The following SRGAP2 variants were observed in gnomAD, a reference collection of about 807,000 sequenced individuals.
SRGAP2 encodes the protein SLIT-ROBO Rho GTPase activating protein 2.
SRGAP2 carries 15 observed loss-of-function variants against 57.2 expected under a neutral mutation model. That is an observed-to-expected ratio of 0.26 (90% CI 0.18 to 0.40). The LOEUF (loss-of-function observed/expected upper bound fraction) is 0.40. Among genes scored for constraint, SRGAP2 ranks in the 10% least tolerant of loss-of-function variants. SRGAP2 has a pLI of 1.00. For missense variants in SRGAP2, 520 were observed against 669.6 expected (o/e 0.78, Z 2.47); for synonymous variants, 249 against 248.0 (o/e 1.00, Z -0.04).
chr1:206,307,968 T>C (rs1571811535), intron 3 of SRGAP2, among the ~76,000 whole-genome samples: 1 of 151,308 alleles, frequency 6.6e-6, no homozygotes, highest in Admixed American at 6.6e-5. Context: ...GCAGGGGAGG[T>C]GCCGAGAGCA....
chr1:206,277,209 C>G (rs1232114519), intron 2 of SRGAP2, among the ~76,000 whole-genome samples: 38 of 140,304 alleles, frequency 2.7e-4, no homozygotes, highest in Non-Finnish European at 9.3e-5. Context: ...AATAGTCACA[C>G]CCAAAATTTT....
In SRGAP2 at chr1:206,454,773, T is replaced by C. The variant is rs1553377725; in HGVS notation, c.2361-105T>C. On this transcript the variant is annotated intron_variant, in intron 20 of 22. Transcript: ENST00000573034. This position sits in a 1 kb window ranked among gnomAD's most constrained non-coding sequence, Gnocchi z 4.3. ...AGGTGTCGCTGCTGCCTCAGAGCTG[T>C]GTGGGGTCGCGTGTATGTCGGGGGG... is the stretch of plus-strand genomic sequence containing the variant. 1.6e-6 allele frequency: 1 copy of C among 631,456 alleles called. No homozygotes were observed. The highest frequency in any genetic ancestry group is 1.8e-5 in the African/African-American group (1 of 54,892). 39.1% of individuals were successfully genotyped at this position (631,456 alleles called of 1,614,324 possible). A position where few individuals can be genotyped will look rare whatever the true frequency, so the allele number is the denominator to read the frequency against.
At chr1:206,247,521 G>A (rs534683292) in intron 2 of SRGAP2, among the ~76,000 whole-genome samples, 57 of 152,258 alleles carry the variant, frequency 3.7e-4, no homozygotes, top group Admixed American at 5.2e-4. Flanking sequence ...ACTAAAGACA[G>A]TGTCCTCTGT....
At chr1:206,307,597 C>T (rs1367761410) in intron 3 of SRGAP2, among the ~76,000 whole-genome samples, 49 of 152,326 alleles carry the variant, frequency 3.2e-4, no homozygotes, top group African/African-American at 1.1e-3. Context: ...AGCCCTGCCC[C>T]GCGGGAAGGC....
chr1:206,456,860 G>A (rs923032814), intron 21 of SRGAP2, among the ~76,000 whole-genome samples: 1 of 152,006 alleles, frequency 6.6e-6, no homozygotes, highest in Non-Finnish European at 1.5e-5. Flanking sequence ...GTTCTCTTTC[G>A]CCCCTGGGCG....
At chr1:206,332,139 C>T (rs1307993652) in intron 3 of SRGAP2, among the ~76,000 whole-genome samples, 19 of 86,762 alleles carry the variant, frequency 2.2e-4, no homozygotes, top group African/African-American at 8.7e-4. Context: ...TATTGGCCCC[C>T]ACTCTCTTCT....
chr1:206,447,598 T>G (rs1662875429), intron 18 of SRGAP2, among the ~76,000 whole-genome samples: 1 of 152,174 alleles, frequency 6.6e-6, no homozygotes, highest in South Asian at 2.1e-4. Flanking sequence ...GTTGGTCACT[T>G]TAGGTCTCAG....
At chr1:206,268,092 T>A (rs1439086924) in intron 2 of SRGAP2, among the ~76,000 whole-genome samples, 2 of 151,424 alleles carry the variant, frequency 1.3e-5, no homozygotes, top group African/African-American at 2.4e-5. Flanking sequence ...TTTTTTTTTT[T>A]TTTTAAATTA....
At chr1:206,418,918 GTGTGTGTGTGTGTGTGTGTA>G (rs1660029002) in intron 11 of SRGAP2, among the ~76,000 whole-genome samples, 1 of 151,874 alleles carries the variant, frequency 6.6e-6, no homozygotes, top group African/African-American at 2.4e-5. Flanking sequence ...GTGTGTGTGT[GTGTGTGTGTGTGTGTGTGTA>G]TACTCAGGAG....
intron 13 of SRGAP2, among the ~76,000 whole-genome samples, chr1:206,424,911 G>A (rs1660662098): frequency 6.6e-6 from 1 of 152,236 alleles, no homozygotes; most frequent in Non-Finnish European, 1.5e-5. Context: ...TGCCTGTGCA[G>A]TAGGACAGGT....
intron 21 of SRGAP2, chr1:206,455,407 A>C: frequency 4.0e-6 from 1 of 249,152 alleles, no homozygotes; most frequent in African/African-American, 2.3e-5. Context: ...CCATACTCAA[A>C]TAATAGTCTT....
intron 7 of SRGAP2, among the ~76,000 whole-genome samples, chr1:206,401,165 A>G (rs1294657535): frequency 6.6e-6 from 1 of 152,256 alleles, no homozygotes; most frequent in Non-Finnish European, 1.5e-5. Flanking sequence ...GCGCTTAATT[A>G]AATAATGTCA....
At chr1:206,267,225 C>G (rs139042759) in intron 2 of SRGAP2, among the ~76,000 whole-genome samples, 5,962 of 152,238 alleles carry the variant, frequency 0.039, 176 homozygotes, top group Non-Finnish European at 0.06. Context: ...GCCTCTGCCT[C>G]CCAAAGTGCT....
chr1:206,268,540 A>G (rs1670017731), intron 2 of SRGAP2, among the ~76,000 whole-genome samples: 1 of 152,156 alleles, frequency 6.6e-6, no homozygotes, highest in Admixed American at 6.6e-5. Flanking sequence ...AAAAATAGAA[A>G]TAAAGCCAAT....
intron 7 of SRGAP2, 71 bp downstream of exon 7, chr1:206,393,744 G>T: frequency 3.7e-6 from 2 of 546,710 alleles, no homozygotes; most frequent in Non-Finnish European, 6.7e-6. Flanking sequence ...GACATTCCCC[G>T]ATACTATTGT....
chr1:206,307,152 T>C (rs1672269756), intron 3 of SRGAP2, among the ~76,000 whole-genome samples: 2 of 152,204 alleles, frequency 1.3e-5, no homozygotes, highest in Non-Finnish European at 2.9e-5. Flanking sequence ...AGGGTGCTGA[T>C]TGGTGTGTTT....
intron 3 of SRGAP2, among the ~76,000 whole-genome samples, chr1:206,337,928 G>T (rs1398717458): frequency 1.3e-5 from 2 of 152,014 alleles, no homozygotes; most frequent in Admixed American, 6.6e-5. Context: ...TTAAGCGCTT[G>T]TTGCTAAGTT....
intron 17 of SRGAP2, 22 bp from the exon 18 acceptor site, chr1:206,446,052 GC>G (rs1553373608): frequency 2.6e-6 from 2 of 778,516 alleles, no homozygotes; most frequent in Non-Finnish European, 4.8e-6. Flanking sequence ...TTTCCAGCTT[GC>G]CCCCTTTCCC....
Position 206,297,456 on chromosome 1 carries a change from G to T in SRGAP2, c.68-5825G>T, listed in dbSNP as rs1392348306. 3.7e-5 allele frequency among the ~76,000 whole-genome samples: 3 copies of T among 80,868 alleles called. 1 individual carries two copies. The highest frequency in any genetic ancestry group is 6.4e-5 in the Non-Finnish European group (3 of 46,520). The allele number at this position is 80,868 out of a possible 152,430, so 53.1% of individuals were successfully genotyped here. On this transcript the variant is annotated intron_variant, in intron 2 of 22. Coordinates refer to ENST00000573034, the MANE Select transcript of SRGAP2 (RefSeq NM_015326.5). ...TGTAACATTCTCTGGAAAGGTACTA[G>T]GAATTAATATTCCTGAGATGGCTGA... is the stretch of plus-strand genomic sequence containing the variant.
Sources: gnomAD v4.1 joint callset for allele counts (sites outside exome capture counted in the v4.1 genomes callset) on GRCh38, gnomAD v4.1.1 for gene constraint, Gnocchi (gnomAD v3.1) non-coding constraint, MANE v1.5 for transcripts, NCBI Gene and HGNC (gene_info 2026-07-23, HGNC 2026-07-21) for gene names.